The following RALGPS2 variants were observed in gnomAD, a reference collection of about 807,000 sequenced individuals.
The protein encoded by RALGPS2 is Ral GEF with PH domain and SH3 binding motif 2.
RALGPS2 carries 43 observed loss-of-function variants against 86.8 expected under a neutral mutation model. The observed-to-expected ratio is 0.50, with a 90% CI of 0.39 to 0.64. The LOEUF is 0.64. Among genes scored for constraint, RALGPS2 ranks in the 30% least tolerant of loss-of-function variants. The pLI is 0.00. For missense variants in RALGPS2, 536 were observed against 694.6 expected, an observed-to-expected ratio of 0.77 and a Z score of 2.57; for synonymous variants, 243 against 231.3, an observed-to-expected ratio of 1.05 and a Z score of -0.46.
At chr1:178,784,365 C>G in intron 2 of RALGPS2, 53 bp from the exon 3 acceptor site, 1 of 1,383,818 alleles carries the variant, frequency 7.2e-7, no homozygotes, top group East Asian at 2.4e-5. Flanking sequence ...TAGTTTCTAT[C>G]ACTTGATTGT....
intron 8 of RALGPS2, among the ~76,000 whole-genome samples, chr1:178,849,195 C>T (rs1445356526): frequency 6.6e-6 from 1 of 152,188 alleles, no homozygotes; most frequent in East Asian, 1.9e-4. Flanking sequence ...CAAGGTAACA[C>T]AGCTAGCAAG....
chr1:178,879,025 C>T, intron 10 of RALGPS2, 33 bp downstream of exon 10: 3 of 1,606,206 alleles, frequency 1.9e-6, no homozygotes, highest in East Asian at 2.2e-5. Context: ...GTTTGTATAA[C>T]TTTGTCCTGT....
chr1:178,909,138 T>C (rs1243750067), intron 19 of RALGPS2, among the ~76,000 whole-genome samples: 1 of 152,192 alleles, frequency 6.6e-6, no homozygotes, highest in African/African-American at 2.4e-5. Flanking sequence ...CCAGTTATCC[T>C]AGCAGCATAT....
chr1:178,812,786 A>G (rs939234378), intron 6 of RALGPS2, among the ~76,000 whole-genome samples: 2 of 152,060 alleles, frequency 1.3e-5, no homozygotes, highest in Admixed American at 6.5e-5. Context: ...ACTCTTTCCT[A>G]TTTTCCTTAA....
intron 7 of RALGPS2, among the ~76,000 whole-genome samples, chr1:178,829,996 T>C (rs1655940248): frequency 6.6e-6 from 1 of 152,090 alleles, no homozygotes; most frequent in Non-Finnish European, 1.5e-5. Flanking sequence ...CTGCCTGCCT[T>C]GGCCTCCCAA....
rs111714499 is a variant in RALGPS2 at position 178,824,528 on chromosome 1, G to A, written c.480+2824G>A. The stretch of plus-strand genomic sequence containing the variant: ...AGTAAGAGTTTATCCATTTTACGCC[G>A]GGTGCAGTGGTGGCTCATGCCTGTA... On this transcript the variant is annotated intron_variant, in intron 7 of 19. Coordinates refer to ENST00000367635, the MANE Select transcript of RALGPS2 (RefSeq NM_152663.5). Among the ~76,000 whole-genome samples the A allele has an allele frequency of 7.9e-5, 12 of 152,244 alleles. No homozygotes were observed. In the South Asian group the frequency reaches 1.2e-3, roughly 16 times the overall value.
intron 7 of RALGPS2, among the ~76,000 whole-genome samples, chr1:178,832,279 G>A (rs1178901964): frequency 2.0e-5 from 3 of 152,116 alleles, no homozygotes; most frequent in Non-Finnish European, 2.9e-5. Flanking sequence ...AAGAGGGAGC[G>A]ATACTGTTGA....
intron 4 of RALGPS2, 144 bp downstream of exon 4, chr1:178,785,751 C>A: frequency 9.8e-7 from 1 of 1,022,212 alleles, no homozygotes; most frequent in Non-Finnish European, 1.4e-6. Context: ...CTGTTTGGGC[C>A]TCAGAAACCC....
intron 8 of RALGPS2, among the ~76,000 whole-genome samples, chr1:178,856,593 TG>T (rs999228171): frequency 6.6e-5 from 10 of 151,544 alleles, no homozygotes; most frequent in African/African-American, 2.4e-4. Flanking sequence ...AAACCAACTT[TG>T]TGCTTCTGGG....
chr1:178,740,200 A>C (rs180946950), intron 1 of RALGPS2, among the ~76,000 whole-genome samples: 11 of 152,358 alleles, frequency 7.2e-5, no homozygotes, highest in African/African-American at 2.6e-4. Flanking sequence ...AAGACTTTTG[A>C]GTCCCAGAGT....
chr1:178,726,251 C>G (rs868534228), intron 1 of RALGPS2: 3 of 152,172 alleles, frequency 2.0e-5, no homozygotes, highest in African/African-American at 7.2e-5. Flanking sequence ...GGAAGAAACG[C>G]GAGCCACGAG....
At chr1:178,754,093 A>C (rs1020219329) in intron 1 of RALGPS2, among the ~76,000 whole-genome samples, 4 of 151,760 alleles carry the variant, frequency 2.6e-5, no homozygotes, top group Non-Finnish European at 5.9e-5. Context: ...AAGTGCTGGG[A>C]TTACAGGTGT....
chr1:178,877,472 C>T (rs764330645), intron 8 of RALGPS2, 26 bp from the exon 9 acceptor site: 22 of 1,610,164 alleles, frequency 1.4e-5, no homozygotes, highest in South Asian at 3.3e-5. Flanking sequence ...ACTAAGAAAA[C>T]GTTCATTTAT....
intron 1 of RALGPS2, among the ~76,000 whole-genome samples, chr1:178,771,794 T>G (rs371217155): frequency 6.6e-6 from 1 of 152,338 alleles, no homozygotes; most frequent in East Asian, 1.9e-4. Flanking sequence ...GACTATACCT[T>G]AAATACTGTT....
chr1:178,750,537 A>G (rs537917922), intron 1 of RALGPS2, among the ~76,000 whole-genome samples: 1 of 152,348 alleles, frequency 6.6e-6, no homozygotes, highest in South Asian at 2.1e-4. Context: ...ATGGTATGTA[A>G]TAAGTGAATG....
At chr1:178,784,329 T>C in intron 2 of RALGPS2, 89 bp from the exon 3 acceptor site, 3 of 940,354 alleles carry the variant, frequency 3.2e-6, no homozygotes, top group South Asian at 2.4e-5. Flanking sequence ...CCTACTGTTT[T>C]GTTTTCTCAG....
chr1:178,814,290 A>G (rs915032389), intron 6 of RALGPS2, among the ~76,000 whole-genome samples: 7 of 152,226 alleles, frequency 4.6e-5, no homozygotes, highest in African/African-American at 1.7e-4. Context: ...AAATTATTCA[A>G]TGTACTTTGG....
At chr1:178,839,277 C>T (rs1046305697) in intron 8 of RALGPS2, among the ~76,000 whole-genome samples, 38 of 152,134 alleles carry the variant, frequency 2.5e-4, no homozygotes, top group Admixed American at 2.5e-3. Context: ...GTCAGGTTAC[C>T]CTCAAAGGGA....
At chr1:178,744,498 T>G (rs1651199550) in intron 1 of RALGPS2, among the ~76,000 whole-genome samples, 1 of 152,144 alleles carries the variant, frequency 6.6e-6, no homozygotes, top group Non-Finnish European at 1.5e-5. Context: ...GGAGGTTCAT[T>G]GCAGCCAATA....
Sources: gnomAD v4.1 joint callset for allele counts (sites outside exome capture counted in the v4.1 genomes callset) on GRCh38, gnomAD v4.1.1 for gene constraint, MANE v1.5 for transcripts, NCBI Gene and HGNC (gene_info 2026-07-23, HGNC 2026-07-21) for gene names.